C5orf58: variants seen among roughly 807,000 people sequenced by gnomAD.
C5orf58 encodes putative uncharacterized protein C5orf58.
C5orf58 carries 2 observed loss-of-function variants against 2.9 expected under a neutral mutation model. That is an observed-to-expected ratio of 0.69 (90% CI 0.28 to 2.18). The LOEUF is 2.18. Among genes scored for constraint, C5orf58 ranks in the 30% most tolerant of loss-of-function variants. C5orf58 has a pLI of 0.13. For missense variants in C5orf58, 96 were observed against 91.7 expected (o/e 1.05, Z -0.19); for synonymous variants, 37 against 33.4 (o/e 1.11, Z -0.37).
At chr5:170,248,819 C>A, downstream of C5orf58, 1 of 1,611,662 alleles carries the variant, frequency 6.2e-7, no homozygotes, top group South Asian at 1.1e-5. Flanking sequence ...GACAGAAAGT[C>A]CTGAAAGAGT....
downstream of C5orf58, among the ~76,000 whole-genome samples, chr5:170,250,167 A>T (rs1359836972): frequency 6.6e-6 from 1 of 152,172 alleles, no homozygotes; most frequent in Non-Finnish European, 1.5e-5. Flanking sequence ...TTCCTTTGCG[A>T]AAAACTAGCC....
At chr5:170,233,400 C>T (rs1581031333) in intron 1 of C5orf58, 1 of 152,308 alleles carries the variant, frequency 6.6e-6, no homozygotes, top group African/African-American at 2.4e-5. Context: ...GCTCATGGCC[C>T]CAAAGATCTG....
chr5:170,243,407 G>A (rs1761107805), intron 3 of C5orf58, among the ~76,000 whole-genome samples: 1 of 137,864 alleles, frequency 7.3e-6, no homozygotes. Context: ...TAATGTGTGG[G>A]AGTCTAAGTC....
At chr5:170,248,350 T>C (rs776490885), downstream of C5orf58, 2 of 207,902 alleles carry the variant, frequency 9.6e-6, no homozygotes, top group Non-Finnish European at 1.9e-5. Flanking sequence ...TATTACTGTT[T>C]CAGTGTTTTA....
chr5:170,245,343 T>C (rs1222940915), intron 3 of C5orf58, among the ~76,000 whole-genome samples: 1 of 152,236 alleles, frequency 6.6e-6, no homozygotes, highest in Non-Finnish European at 1.5e-5. Flanking sequence ...TAATCAAGCC[T>C]GGGCAATGGT....
downstream of C5orf58, chr5:170,246,251 GT>G: frequency 1.4e-6 from 1 of 723,350 alleles, no homozygotes; most frequent in Non-Finnish European, 2.1e-6. Flanking sequence ...CTTGAAGGCT[GT>G]TTAATGTTTT....
chr5:170,234,114 GT>G lies in C5orf58; in HGVS notation c.-78del. The G allele has an allele frequency of 7.3e-7, 1 of 1,366,274 alleles. No individual in the cohort carries two copies. The highest frequency in any genetic ancestry group is 9.8e-7 in the Non-Finnish European group (1 of 1,020,704). The allele number at this position is 1,366,274 out of a possible 1,614,324, so 84.6% of individuals were successfully genotyped here. ...TATTAATGTCTGGGAAACAAAATTA[GT>G]TTTTTTACAGTGGCTCTGAAATGAG... On this transcript the variant is annotated splice_region_variant and 5_prime_UTR_variant, in exon 2 of 4. Coordinates refer to ENST00000593851, the MANE Select transcript of C5orf58 (RefSeq NM_001102609.3).
At chr5:170,251,925 A>T (rs1761453579) in exon 3 of C5orf58, 1 of 247,996 alleles carries the variant, frequency 4.0e-6, no homozygotes, top group Non-Finnish European at 8.5e-6. Context: ...TCTGATAAAT[A>T]AATCTAAGGT....
downstream of C5orf58, chr5:170,246,308 G>A (rs541049463): frequency 8.9e-4 from 407 of 459,658 alleles, 5 homozygotes; most frequent in South Asian, 0.014. Flanking sequence ...GTATGACATA[G>A]GAAATTGGCC....
intron 3 of C5orf58, among the ~76,000 whole-genome samples, 174 bp downstream of exon 3, chr5:170,235,244 C>T (rs894523741): frequency 3.3e-5 from 5 of 152,090 alleles, no homozygotes; most frequent in East Asian, 1.9e-4. Context: ...GAATTATGTT[C>T]GACTTTGGAG....
In C5orf58 at chr5:170,235,182, C is replaced by A. The variant is rs1264281367; in HGVS notation, c.94+112C>A. 3 of 607,514 alleles carry A rather than the reference C, an allele frequency of 4.9e-6. No homozygotes were observed. In the African/African-American group the frequency reaches 5.8e-5, roughly 12 times the overall value. The allele number at this position is 607,514 out of a possible 1,614,324, so 37.6% of individuals were successfully genotyped here. A position where few individuals can be genotyped will look rare whatever the true frequency, so the allele number is the denominator to read the frequency against. On this transcript the variant is annotated intron_variant, in intron 3 of 3. Transcript: ENST00000593851. The stretch of plus-strand genomic sequence containing the variant: ...AAATTTTGCCCACTAATTAGGATTT[C>A]TCTATTTCTTAACAAATGTTTTCAG...
intron 3 of C5orf58, among the ~76,000 whole-genome samples, chr5:170,243,458 G>A (rs1158552371): frequency 6.7e-6 from 1 of 150,046 alleles, no homozygotes. Flanking sequence ...GAATCTGGGT[G>A]CTCCTGTATT....
chr5:170,248,886 T>C, downstream of C5orf58: 7 of 1,512,844 alleles, frequency 4.6e-6, no homozygotes, highest in Non-Finnish European at 5.5e-6. Flanking sequence ...ACTTTCAGTT[T>C]TTTTATCTGC....
intron 3 of C5orf58, chr5:170,237,276 T>A (rs964450068): frequency 1.0e-5 from 4 of 398,330 alleles, no homozygotes; most frequent in Non-Finnish European, 1.8e-5. Flanking sequence ...AATAGTAATG[T>A]CAGCAGCCAA....
intron 3 of C5orf58, among the ~76,000 whole-genome samples, chr5:170,239,760 T>C (rs544471664): frequency 2.6e-5 from 4 of 152,306 alleles, no homozygotes; most frequent in African/African-American, 9.6e-5. Context: ...GCTTATTTTG[T>C]AATAACATAA....
downstream of C5orf58, chr5:170,247,836 G>A (rs572225076): frequency 6.6e-6 from 1 of 152,286 alleles, no homozygotes; most frequent in Non-Finnish European, 1.5e-5. Flanking sequence ...CTATATCCCT[G>A]GACAATGCTT....
At chr5:170,247,103 C>T (rs1176899946), downstream of C5orf58, 4 of 152,176 alleles carry the variant, frequency 2.6e-5, no homozygotes, top group Non-Finnish European at 2.9e-5. Context: ...GGAGCTTACT[C>T]GATACTAGAA....
chr5:170,244,079 T>G (rs1307816132), intron 3 of C5orf58, among the ~76,000 whole-genome samples: 5 of 152,260 alleles, frequency 3.3e-5, no homozygotes, highest in African/African-American at 1.2e-4. Flanking sequence ...TTGAAGATCC[T>G]TTTCTTTAAG....
intron 2 of C5orf58, 36 bp downstream of exon 2, chr5:170,234,234 G>C (rs754076938): frequency 8.0e-7 from 1 of 1,255,326 alleles, no homozygotes; most frequent in East Asian, 4.7e-5. Context: ...CAAGCAGCTT[G>C]ACCCATGACT....
Sources: allele counts gnomAD v4.1 joint callset (sites outside exome capture counted in the v4.1 genomes callset), GRCh38; gene constraint gnomAD v4.1.1; transcripts MANE v1.5; gene names NCBI Gene and HGNC (gene_info 2026-07-23, HGNC 2026-07-21).